TDRD9: variants seen among roughly 807,000 people sequenced by gnomAD.
TDRD9 encodes ATP-dependent RNA helicase TDRD9.
TDRD9 carries 124 observed loss-of-function variants against 172.6 expected under a neutral mutation model. The observed-to-expected ratio is 0.72, with a 90% confidence interval of 0.62 to 0.83. The LOEUF (loss-of-function observed/expected upper bound fraction) is 0.83. TDRD9 is among the 40% of genes least tolerant of loss of function. The pLI, the probability that TDRD9 is intolerant of heterozygous loss-of-function variation, is 0.00. For synonymous variants in TDRD9, 619 were observed against 617.1 expected (o/e 1.00, Z -0.05); for missense variants, 1,479 against 1,714.1 (o/e 0.86, Z 2.42).
In TDRD9 at chr14:103,997,028, A is replaced by C. The variant is rs1388768731; in HGVS notation, c.1378+1221A>C. Among the ~76,000 whole-genome samples, 2 of 152,166 alleles carry C rather than the reference A, an allele frequency of 1.3e-5. No individual in the cohort carries two copies. The highest frequency in any genetic ancestry group is 2.9e-5 in the Non-Finnish European group (2 of 68,022). On this transcript the variant is annotated intron_variant, in intron 12 of 35. Coordinates refer to ENST00000409874, the MANE Select transcript of TDRD9 (RefSeq NM_153046.3). This position sits in a 1 kb window ranked among gnomAD's most constrained non-coding sequence, Gnocchi z 5.1. ...GCTGGACCAGTGTGAACGAAGGGGA[A>C]ACGAGCCAGAAGAGAGGCCTGGGGG...
chr14:104,040,268 C>T lies in TDRD9; in HGVS notation c.3789C>T (p.Ser1263=). ...GGTGGAATCCAGCTACAGGGGCTTC[C>T]ATACTGCCCGAGCACGACATGGAGC... ...GLGWNPATGA[S]ILPEHDMELA... The change falls in exon 33 of 36, where the codon TCC becomes TCT. Residue 1263 remains serine (S), a synonymous_variant. Transcript: ENST00000409874. 1 of 1,551,548 alleles carries T rather than the reference C, an allele frequency of 6.4e-7. No individual in the cohort carries two copies. The highest frequency in any genetic ancestry group is 1.4e-5 in the African/African-American group (1 of 73,134).
intron 7 of TDRD9, among the ~76,000 whole-genome samples, chr14:103,976,967 C>T (rs1426092366): frequency 6.6e-6 from 1 of 152,154 alleles, no homozygotes; most frequent in Non-Finnish European, 1.5e-5. Flanking sequence ...AGCGGTCCTC[C>T]TGCCTCAGCC....
Position 103,998,497 on chromosome 14 carries a change from C to T in TDRD9, c.1379-127C>T, listed in dbSNP as rs560799529. 4.0e-5 allele frequency: 26 copies of T among 651,904 alleles called. 1 individual carries two copies. Among genetic ancestry groups the T allele is most frequent in the South Asian group, 3.7e-4 (19 of 51,388 alleles). 40.4% of individuals were successfully genotyped at this position (651,904 alleles called of 1,614,324 possible). On this transcript the variant is annotated intron_variant, in intron 12 of 35. Coordinates refer to ENST00000409874, the MANE Select transcript of TDRD9 (RefSeq NM_153046.3). ...CGGGAGTGGTCGGTGCGTGGCCAAACGTTTCTGCCTGTTCACTAATTCTTA... is the reference window on the plus strand; with the variant it reads ...CGGGAGTGGTCGGTGCGTGGCCAAATGTTTCTGCCTGTTCACTAATTCTTA...
chr14:103,991,508 G>A (rs2033865851), intron 9 of TDRD9, among the ~76,000 whole-genome samples: 1 of 151,916 alleles, frequency 6.6e-6, no homozygotes, highest in African/African-American at 2.4e-5. Flanking sequence ...TGCCTCCCCG[G>A]TTCCAGTGAT....
chr14:104,019,088 T>C (rs371374991), intron 23 of TDRD9, among the ~76,000 whole-genome samples: 2 of 152,332 alleles, frequency 1.3e-5, no homozygotes, highest in African/African-American at 4.8e-5. Context: ...TTCTTAAATA[T>C]TCTGATGTAA....
chr14:104,022,946 G>A (rs943516928), intron 24 of TDRD9, among the ~76,000 whole-genome samples: 3 of 151,594 alleles, frequency 2.0e-5, no homozygotes, highest in Non-Finnish European at 2.9e-5. Context: ...TTGGGAGACC[G>A]AGGCGGGAGG....
intron 2 of TDRD9, among the ~76,000 whole-genome samples, chr14:103,958,609 G>T (rs1422043020): frequency 6.6e-6 from 1 of 152,200 alleles, no homozygotes; most frequent in East Asian, 1.9e-4. Flanking sequence ...GTCAGTAGTA[G>T]ATGTGACAAC....
In TDRD9 at chr14:103,962,666, T is replaced by C. The variant is rs116273420; in HGVS notation, c.323-413T>C. Among the ~76,000 whole-genome samples, 519 of 152,226 alleles carry C rather than the reference T, an allele frequency of 3.4e-3. 3 individuals carry two copies. Among genetic ancestry groups the C allele is most frequent in the African/African-American group, 0.012 (486 of 41,550 alleles). On this transcript the variant is annotated intron_variant, in intron 2 of 35. Coordinates refer to ENST00000409874, the MANE Select transcript of TDRD9 (RefSeq NM_153046.3). ...TCTTCTTCTTGGAGTCCCTAGTGTC[T>C]GTTATTCCCATCTTTATGTTCGTGT...
chr14:103,950,743 CAG>C (rs781379884), intron 1 of TDRD9, among the ~76,000 whole-genome samples: 14 of 152,128 alleles, frequency 9.2e-5, no homozygotes, highest in Non-Finnish European at 1.6e-4. Context: ...TGAAATGTGT[CAG>C]AGTCAAAATG....
chr14:103,974,814 AT>A (rs996406504), intron 6 of TDRD9, among the ~76,000 whole-genome samples: 10 of 151,494 alleles, frequency 6.6e-5, no homozygotes, highest in Admixed American at 4.6e-4. Flanking sequence ...CTATTTTTAA[AT>A]TTTTTGTAAT....
intron 33 of TDRD9, among the ~76,000 whole-genome samples, chr14:104,041,823 C>T (rs553534603): frequency 6.6e-6 from 1 of 152,260 alleles, no homozygotes; most frequent in South Asian, 2.1e-4. Flanking sequence ...CCAGGAATCC[C>T]ATCTGTAGGT....
chr14:104,025,594 A>G lies in TDRD9; in HGVS notation c.2749A>G (p.Arg917Gly). ...VVEVGHFWGYRIDENNSEILK... is the reference protein window; with the variant it reads ...VVEVGHFWGYGIDENNSEILK... ...TGAAGTGGGACACTTTTGGGGATAC[A>G]GGATTGATGAAAACAACTCAGAGAT... is the stretch of plus-strand genomic sequence containing the variant. The change falls in exon 26 of 36, where the codon AGG (arginine) becomes GGG (glycine). Residue 917 changes from arginine (R) to glycine (G), a missense_variant. Coordinates refer to ENST00000409874, the MANE Select transcript of TDRD9 (RefSeq NM_153046.3). 6.2e-7 allele frequency: 1 copy of G among 1,613,978 alleles called. No homozygotes were observed. The highest frequency in any genetic ancestry group is 8.5e-7 in the Non-Finnish European group (1 of 1,179,860).
intron 1 of TDRD9, among the ~76,000 whole-genome samples, chr14:103,939,022 A>C (rs1256426749): frequency 2.6e-5 from 4 of 152,072 alleles, no homozygotes; most frequent in Non-Finnish European, 4.4e-5. Flanking sequence ...AATTAATTGC[A>C]TGTGGGTGAC....
rs772050572 is a variant in TDRD9 at position 104,026,677 on chromosome 14, A to T, written c.3022-2A>T. 6.2e-7 allele frequency: 1 copy of T among 1,613,798 alleles called. No individual in the cohort carries two copies. The highest frequency in any genetic ancestry group is 1.1e-5 in the South Asian group (1 of 91,074). On this transcript the variant is annotated splice_acceptor_variant, in intron 27 of 35. Transcript: ENST00000409874. LOFTEE classifies it high-confidence loss of function. ...TTGAGCTGTGCCCTTCTGTCCTTGTAGGCTTTGGAATTTAAGATTTGCAAA... is the reference window on the plus strand; with the variant it reads ...TTGAGCTGTGCCCTTCTGTCCTTGTTGGCTTTGGAATTTAAGATTTGCAAA...
chr14:104,029,581 T>G (rs145820116), intron 28 of TDRD9, among the ~76,000 whole-genome samples: 321 of 152,290 alleles, frequency 2.1e-3, no homozygotes, highest in Middle Eastern at 6.8e-3. Context: ...TGGTGGAGTC[T>G]TTAGGTTTTT....
chr14:103,969,098 T>TA (rs551879850), intron 5 of TDRD9, among the ~76,000 whole-genome samples: 6,215 of 91,618 alleles, frequency 0.068, 272 homozygotes, highest in Admixed American at 0.2. Flanking sequence ...AGACTCTGTG[T>TA]AAAAAAAAAA....
In TDRD9 at chr14:104,024,459, T is replaced by C. The variant is rs1459576828; in HGVS notation, c.2607-110T>C. The C allele has an allele frequency of 5.1e-6, 3 of 587,800 alleles. No homozygotes were observed. The Admixed American group carries it at 1.0e-4, about 20-fold the overall frequency. The allele number at this position is 587,800 out of a possible 1,614,324, so 36.4% of individuals were successfully genotyped here. ...CTGGCTTAGGTATTTTATTGAAATGTTCTTTTCTTGTAGAAATATTAGAAT... is the reference window on the plus strand; with the variant it reads ...CTGGCTTAGGTATTTTATTGAAATGCTCTTTTCTTGTAGAAATATTAGAAT... On this transcript the variant is annotated intron_variant, in intron 24 of 35. Transcript: ENST00000409874.
chr14:104,029,891 G>C (rs1294969323), intron 28 of TDRD9, among the ~76,000 whole-genome samples: 2 of 152,078 alleles, frequency 1.3e-5, no homozygotes, highest in East Asian at 3.9e-4. Context: ...TTAAAGTAAT[G>C]CTGAATTTTA....
intron 28 of TDRD9, among the ~76,000 whole-genome samples, chr14:104,030,635 T>A (rs1409882036): frequency 1.3e-5 from 2 of 152,382 alleles, no homozygotes; most frequent in East Asian, 3.8e-4. Flanking sequence ...ATATTTCTTT[T>A]GTTTGAATCT....
Sources: allele counts gnomAD v4.1 joint callset (sites outside exome capture counted in the v4.1 genomes callset), GRCh38; gene constraint gnomAD v4.1.1; non-coding constraint Gnocchi (gnomAD v3.1); transcripts MANE v1.5; gene names NCBI Gene and HGNC (gene_info 2026-07-23, HGNC 2026-07-21).